Variants in STXBP6 observed in about 807,000 individuals in gnomAD.
The protein encoded by STXBP6 is syntaxin binding protein 6, also known as syntaxin-binding protein 6.
STXBP6 carries 21 observed loss-of-function variants against 26.9 expected under a neutral mutation model. The ratio of observed to expected loss-of-function variants is 0.78; its 90% confidence interval spans 0.55 to 1.12. The LOEUF (loss-of-function observed/expected upper bound fraction) is 1.12. Among genes scored for constraint, STXBP6 ranks in the 50% most tolerant of loss-of-function variants. STXBP6 has a pLI of 0.00. For missense variants in STXBP6, 232 were observed against 257.9 expected, an observed-to-expected ratio of 0.90 and a Z score of 0.69; for synonymous variants, 97 against 92.6, an observed-to-expected ratio of 1.05 and a Z score of -0.27.
intron 4 of STXBP6, among the ~76,000 whole-genome samples, chr14:24,821,444 A>C (rs2068130548): frequency 6.6e-6 from 1 of 152,162 alleles, no homozygotes; most frequent in African/African-American, 2.4e-5. Flanking sequence ...GTTTTATATG[A>C]TACTGTTTAA....
intron 2 of STXBP6, among the ~76,000 whole-genome samples, chr14:24,934,410 T>A (rs2072525332): frequency 6.6e-6 from 1 of 152,204 alleles, no homozygotes; most frequent in Admixed American, 6.5e-5. Context: ...AAGAAAGTAC[T>A]ATCTAAGAAT....
At chr14:24,868,334 C>T (rs1277124274) in intron 2 of STXBP6, among the ~76,000 whole-genome samples, 4 of 152,068 alleles carry the variant, frequency 2.6e-5, no homozygotes, top group Admixed American at 6.6e-5. Context: ...AAAATAAGCA[C>T]ATAAAAGGAT....
chr14:25,033,189 T>G (rs1436602784), intron 1 of STXBP6, among the ~76,000 whole-genome samples: 2 of 152,206 alleles, frequency 1.3e-5, no homozygotes, highest in Admixed American at 1.3e-4. Flanking sequence ...TCATGCAAGC[T>G]AGAGACTGAA....
intron 4 of STXBP6, among the ~76,000 whole-genome samples, chr14:24,846,088 C>G (rs2068950965): frequency 1.3e-5 from 2 of 152,158 alleles, no homozygotes; most frequent in African/African-American, 4.8e-5. Context: ...CTTTGTTTTG[C>G]TGGGTGCCCC....
intron 2 of STXBP6, among the ~76,000 whole-genome samples, chr14:24,973,506 C>T (rs760945722): frequency 5.3e-5 from 8 of 151,296 alleles, no homozygotes; most frequent in African/African-American, 7.3e-5. Flanking sequence ...CTGTCTCAGC[C>T]GCCTGAGTAG....
intron 1 of STXBP6, among the ~76,000 whole-genome samples, chr14:25,032,609 C>T (rs2075479638): frequency 6.6e-6 from 1 of 152,216 alleles, no homozygotes; most frequent in African/African-American, 2.4e-5. Flanking sequence ...CACCACAGGG[C>T]CTATGCCCTC....
intron 2 of STXBP6, among the ~76,000 whole-genome samples, chr14:24,939,813 TA>T (rs1304938508): frequency 3.3e-5 from 5 of 152,252 alleles, no homozygotes; most frequent in African/African-American, 1.2e-4. Flanking sequence ...TACTGAGTTT[TA>T]AAAATCTTGT....
intron 2 of STXBP6, among the ~76,000 whole-genome samples, chr14:24,966,782 A>G (rs1026984780): frequency 6.6e-6 from 1 of 152,214 alleles, no homozygotes; most frequent in African/African-American, 2.4e-5. Flanking sequence ...AGTCTCTCCA[A>G]ATTTCCCCAG....
At chr14:24,841,925 TTC>T (rs2068796765) in intron 4 of STXBP6, among the ~76,000 whole-genome samples, 1 of 152,240 alleles carries the variant, frequency 6.6e-6, no homozygotes, top group Admixed American at 6.5e-5. Context: ...TTTGTTGGCT[TTC>T]TCATGTAGAA....
intron 1 of STXBP6, among the ~76,000 whole-genome samples, chr14:24,978,203 G>A (rs548816126): frequency 2.0e-5 from 3 of 152,300 alleles, no homozygotes; most frequent in Admixed American, 1.3e-4. Context: ...TTTCAAAAAC[G>A]CAGACCCCTG....
In STXBP6 at chr14:24,823,411, A is replaced by G. The variant is rs141226066; in HGVS notation, c.452-4217T>C. On this transcript the variant is annotated intron_variant, in intron 4 of 5. Coordinates refer to ENST00000323944, the MANE Select transcript of STXBP6 (RefSeq NM_001394410.1). ...CAATACACCAATAGTTCAATTATCT[A>G]CATAATTTCATTTGATCACCCTACA... is the stretch of plus-strand genomic sequence containing the variant. Among the ~76,000 whole-genome samples, 669 of 152,308 alleles carry G rather than the reference A, an allele frequency of 4.4e-3. 5 individuals carry two copies. Among genetic ancestry groups the G allele is most frequent in the African/African-American group, 0.015 (641 of 41,564 alleles).
At chr14:25,044,170 C>CA (rs768658907) in intron 1 of STXBP6, among the ~76,000 whole-genome samples, 12,083 of 51,564 alleles carry the variant, frequency 0.23, 1,327 homozygotes, top group South Asian at 0.28. Flanking sequence ...GACTCTGCCT[C>CA]AAAAAAAAAA....
chr14:24,906,193 A>T (rs899931112), intron 2 of STXBP6, among the ~76,000 whole-genome samples: 45 of 152,150 alleles, frequency 3.0e-4, no homozygotes, highest in African/African-American at 9.7e-4. Context: ...TCTCAATCCA[A>T]GCCTTACTAC....
intron 1 of STXBP6, among the ~76,000 whole-genome samples, chr14:24,999,389 G>A (rs1308951758): frequency 1.3e-5 from 2 of 152,128 alleles, no homozygotes; most frequent in African/African-American, 4.8e-5. Flanking sequence ...CATGGAGTGC[G>A]ATCTTCAGAG....
intron 2 of STXBP6, among the ~76,000 whole-genome samples, chr14:24,967,495 T>A (rs925422067): frequency 3.9e-5 from 6 of 152,212 alleles, no homozygotes; most frequent in Admixed American, 1.3e-4. Context: ...AATGCTTTAA[T>A]CAAATGTGTC....
intron 1 of STXBP6, among the ~76,000 whole-genome samples, chr14:25,033,547 G>A (rs1260772938): frequency 1.3e-5 from 2 of 152,086 alleles, no homozygotes; most frequent in Non-Finnish European, 2.9e-5. Context: ...GAGGGCTTCT[G>A]CCCCTTGCTC....
At chr14:24,994,264 T>C (rs1355668535) in intron 1 of STXBP6, among the ~76,000 whole-genome samples, 1 of 152,162 alleles carries the variant, frequency 6.6e-6, no homozygotes, top group Non-Finnish European at 1.5e-5. Context: ...ATCTAATACA[T>C]TCTGTACATG....
intron 2 of STXBP6, among the ~76,000 whole-genome samples, chr14:24,907,536 TGA>T (rs574102503): frequency 1.9e-3 from 282 of 152,300 alleles, no homozygotes; most frequent in Non-Finnish European, 3.1e-3. Flanking sequence ...AGAATTGCCA[TGA>T]GAGAGTCTTT....
chr14:25,029,809 C>CACCTGGGAATCCTAACACCT (rs2075418766), intron 1 of STXBP6, among the ~76,000 whole-genome samples: 1 of 152,120 alleles, frequency 6.6e-6, no homozygotes, highest in Non-Finnish European at 1.5e-5. Flanking sequence ...TGAATCCTAA[C>CACCTGGGAATCCTAACACCT]ACCTGGACAC....
Sources: allele counts gnomAD v4.1 joint callset (sites outside exome capture counted in the v4.1 genomes callset), GRCh38; gene constraint gnomAD v4.1.1; transcripts MANE v1.5; gene names NCBI Gene and HGNC (gene_info 2026-07-23, HGNC 2026-07-21).